Variants in WTAP observed in about 807,000 individuals in gnomAD.
The protein encoded by WTAP is WT1 associated protein.
A neutral mutation model predicts 50.0 loss-of-function variants in WTAP; 8 were observed. The ratio of observed to expected loss-of-function variants is 0.16; its 90% CI spans 0.09 to 0.29. The LOEUF is 0.29. Ranked by LOEUF, WTAP falls within the 10% of genes least tolerant of loss-of-function variation. WTAP has a pLI of 1.00. For missense variants in WTAP, 295 were observed against 470.7 expected, an observed-to-expected ratio of 0.63 and a Z score of 3.45; for synonymous variants, 194 against 169.0, an observed-to-expected ratio of 1.15 and a Z score of -1.15.
At chr6:159,728,355 T>G (rs941074584) in intron 1 of WTAP, among the ~76,000 whole-genome samples, 8 of 152,212 alleles carry the variant, frequency 5.3e-5, no homozygotes, top group Non-Finnish European at 1.5e-5. Context: ...CACTTGGTTG[T>G]TTGATCCCAA....
At chr6:159,726,883 G>A (rs938882357), upstream of WTAP, 13 of 1,289,190 alleles carry the variant, frequency 1.0e-5, no homozygotes, top group South Asian at 8.6e-5. Flanking sequence ...AAACGCCCGC[G>A]GCTCGCCGCC....
chr6:159,739,068 A>G (rs772205248), intron 3 of WTAP, 23 bp downstream of exon 3: 1 of 1,589,558 alleles, frequency 6.3e-7, no homozygotes, highest in African/African-American at 1.3e-5. Flanking sequence ...CTGTTCAAAA[A>G]CAAAGTCTTT....
At chr6:159,736,606 T>C (rs544261404) in intron 2 of WTAP, 1 of 230,168 alleles carries the variant, frequency 4.3e-6, no homozygotes, top group Non-Finnish European at 8.4e-6. Flanking sequence ...TGTAAATATT[T>C]CCAGGTACAT....
chr6:159,738,352 AT>A (rs978907676), intron 2 of WTAP, among the ~76,000 whole-genome samples: 13 of 151,954 alleles, frequency 8.6e-5, no homozygotes, highest in Admixed American at 2.0e-4. Context: ...TTTTGAGACT[AT>A]TTTTTTTCCT....
At chr6:159,743,916 C>T (rs1779409263) in intron 5 of WTAP, 124 bp downstream of exon 5, 1 of 1,076,786 alleles carries the variant, frequency 9.3e-7, no homozygotes, top group Non-Finnish European at 1.2e-6. Context: ...GGTACGTATG[C>T]TTTGAGCTTT....
chr6:159,749,085 GT>G lies in WTAP; in HGVS notation c.452+720del, dbSNP rs374140651. The stretch of plus-strand genomic sequence containing the variant: ...ACTTGCTTGAGCCTTAATCAATGTG[GT>G]TTTATTCAATGGTTTGTTCTTTGAA... On this transcript the variant is annotated intron_variant, in intron 6 of 7. Coordinates refer to ENST00000621533, the MANE Select transcript of WTAP (RefSeq NM_001270531.2). 10 of 987,466 alleles carry G rather than the reference GT, an allele frequency of 1.0e-5. No homozygotes were observed. In the African/African-American group the frequency reaches 1.7e-4, roughly 17 times the overall value. The allele number at this position is 987,466 out of a possible 1,614,324, so 61.2% of individuals were successfully genotyped here. A position where few individuals can be genotyped will look rare whatever the true frequency, so the allele number is the denominator to read the frequency against.
intron 1 of WTAP, among the ~76,000 whole-genome samples, chr6:159,733,336 G>A (rs1211447386): frequency 6.6e-6 from 1 of 152,172 alleles, no homozygotes; most frequent in African/African-American, 2.4e-5. Context: ...AAGAGGGAAG[G>A]CAGGGTGCAG....
In WTAP at chr6:159,743,819, C is replaced by T. The variant is rs373044332; in HGVS notation, c.273+27C>T. On this transcript the variant is annotated intron_variant, in intron 5 of 7. Coordinates refer to ENST00000621533, the MANE Select transcript of WTAP (RefSeq NM_001270531.2). ...TAAGTATTTCAAGTTATATAAATGT[C>T]TTTAGTTGAGGAATTGGTTTTTAGT... The T allele has an allele frequency of 9.5e-6, 15 of 1,571,798 alleles. No individual in the cohort carries two copies. In the African/African-American group the frequency reaches 1.8e-4, roughly 19 times the overall value.
At chr6:159,727,428 T>C, upstream of WTAP, 5 of 1,067,734 alleles carry the variant, frequency 4.7e-6, no homozygotes, top group Non-Finnish European at 5.7e-6. Context: ...CTGCGGCGCG[T>C]TCGGACCGGC....
At chr6:159,745,703 A>T (rs770803075) in intron 5 of WTAP, among the ~76,000 whole-genome samples, 1 of 152,196 alleles carries the variant, frequency 6.6e-6, no homozygotes, top group African/African-American at 2.4e-5. Flanking sequence ...GTGATGGATC[A>T]GATTTAGATT....
chr6:159,755,343 G>A lies in WTAP; in HGVS notation c.923G>A (p.Gly308Glu). Reference protein sequence around the residue: ...TTEDDFPSSPGNGNKSSNSSE... With the variant: ...TTEDDFPSSPENGNKSSNSSE... ...GAAGATGACTTTCCTTCTTCTCCAGGGAATGGTAATAAGTCCTCCAACAGC... is the reference window on the plus strand; with the variant it reads ...GAAGATGACTTTCCTTCTTCTCCAGAGAATGGTAATAAGTCCTCCAACAGC... The change falls in exon 8 of 8, where the codon GGG becomes GAG. Residue 308 changes from glycine to glutamate, a missense_variant. By Grantham distance (98) the Gly-to-Glu change is moderately conservative (BLOSUM62 -2). This residue lies in a region of WTAP where 175 missense variants were observed against 183.1 expected (regional missense o/e 0.96). Transcript: ENST00000621533. The A allele has an allele frequency of 6.2e-7, 1 of 1,614,222 alleles. No homozygotes were observed. Among genetic ancestry groups the A allele is most frequent in the Non-Finnish European group, 8.5e-7 (1 of 1,180,038 alleles).
At chr6:159,740,866 T>C (rs1051474860) in intron 3 of WTAP, among the ~76,000 whole-genome samples, 1 of 152,048 alleles carries the variant, frequency 6.6e-6, no homozygotes, top group Admixed American at 6.6e-5. Flanking sequence ...CATGCCCTGC[T>C]AATTTTTTTG....
chr6:159,752,659 TAAA>T lies in WTAP; in HGVS notation c.453-793_453-791del, dbSNP rs111964741. 2.9e-3 allele frequency among the ~76,000 whole-genome samples: 430 copies of T among 149,462 alleles called. 2 individuals are homozygous for T. The highest frequency in any genetic ancestry group is 0.01 in the African/African-American group (410 of 40,884). On this transcript the variant is annotated intron_variant, in intron 6 of 7. Transcript: ENST00000621533. ...CTTTTCCAATAAAGTCTTAAGTCTT[TAAA>T]AAAAAAACCTTAACTGCTGAATGTG...
In WTAP at chr6:159,735,695, C is replaced by T. The variant is rs572502853; in HGVS notation, c.-8-563C>T. ...ACCCTGGAGGCGGAGGTTGCAGTGA[C>T]CTGAGATCGCGCCACTGCACTCCAT... On this transcript the variant is annotated intron_variant, in intron 1 of 7. Transcript: ENST00000621533. Among the ~76,000 whole-genome samples, 32 of 152,042 alleles carry T rather than the reference C, an allele frequency of 2.1e-4. No individual in the cohort carries two copies. The South Asian group carries it at 4.6e-3, about 22-fold the overall frequency.
chr6:159,732,370 T>C (rs1262809725), intron 1 of WTAP, among the ~76,000 whole-genome samples: 4 of 152,148 alleles, frequency 2.6e-5, no homozygotes, highest in African/African-American at 9.7e-5. Flanking sequence ...GTGATAAATA[T>C]AGCTGTTTTC....
In WTAP at chr6:159,736,392, TTG is replaced by T. The variant is rs200776210; in HGVS notation, c.30+99_30+100del. 1.1e-3 allele frequency: 1,031 copies of T among 970,618 alleles called. 3 individuals are homozygous for T. In the African/African-American group the frequency reaches 0.012, roughly 12 times the overall value. 60.1% of individuals were successfully genotyped at this position (970,618 alleles called of 1,614,324 possible). ...AAAAATAGACTTGAAGGGATTATCG[TTG>T]TTTGCTTATTTTTCATTTCTTTGCC... is the stretch of plus-strand genomic sequence containing the variant. On this transcript the variant is annotated intron_variant, in intron 2 of 7. Transcript: ENST00000621533.
intron 5 of WTAP, 96 bp downstream of exon 5, chr6:159,743,888 AAG>A: frequency 7.6e-7 from 1 of 1,311,480 alleles, no homozygotes; most frequent in Non-Finnish European, 1.0e-6. Context: ...TGCTAAATAT[AAG>A]AGCTTATCTT....
chr6:159,727,334 G>C, upstream of WTAP: 1 of 1,270,568 alleles, frequency 7.9e-7, no homozygotes, highest in Non-Finnish European at 1.0e-6. Flanking sequence ...CGACTCTCCT[G>C]TGAGTGGGCC....
At chr6:159,744,187 T>G (rs970511511) in intron 5 of WTAP, among the ~76,000 whole-genome samples, 11 of 152,222 alleles carry the variant, frequency 7.2e-5, no homozygotes, top group Non-Finnish European at 5.9e-5. Context: ...TGTATAGAAC[T>G]GTTTTTCCTA....
Sources: gnomAD v4.1 joint callset for allele counts (sites outside exome capture counted in the v4.1 genomes callset) on GRCh38, gnomAD v4.1.1 for gene constraint, gnomAD v4.1.1 regional missense constraint, MANE v1.5 for transcripts, NCBI Gene and HGNC (gene_info 2026-07-23, HGNC 2026-07-21) for gene names.